The following DNAJC3 variants were observed in gnomAD, a reference collection of about 807,000 sequenced individuals.
The protein encoded by DNAJC3 is DnaJ heat shock protein family (Hsp40) member C3.
DNAJC3 carries 38 observed loss-of-function variants against 68.6 expected under a neutral mutation model. That is an observed-to-expected ratio of 0.55 (90% confidence interval 0.43 to 0.73). The LOEUF (loss-of-function observed/expected upper bound fraction) is 0.73. Ranked by LOEUF, DNAJC3 falls within the 30% of genes least tolerant of loss-of-function variation. The pLI, the probability that DNAJC3 is intolerant of heterozygous loss-of-function variation, is 0.00. For missense variants in DNAJC3, 526 were observed against 591.9 expected (o/e 0.89, Z 1.16); for synonymous variants, 203 against 204.0 (o/e 1.00, Z 0.04).
At chr13:95,734,885 T>A (rs1245500366) in intron 4 of DNAJC3, among the ~76,000 whole-genome samples, 1 of 150,534 alleles carries the variant, frequency 6.6e-6, no homozygotes, top group Non-Finnish European at 1.5e-5. Flanking sequence ...TAGTTACATA[T>A]GTATACATGT....
chr13:95,681,679 A>G (rs1283087323), intron 1 of DNAJC3, among the ~76,000 whole-genome samples: 2 of 152,208 alleles, frequency 1.3e-5, no homozygotes, highest in Non-Finnish European at 2.9e-5. Context: ...TTAAAGAAAC[A>G]ATCTCAGTCG....
intron 4 of DNAJC3, among the ~76,000 whole-genome samples, chr13:95,757,341 G>A (rs1290623631): frequency 1.3e-5 from 2 of 152,130 alleles, no homozygotes; most frequent in East Asian, 1.9e-4. Context: ...AGTGAAAAAC[G>A]TGCTTTCCTT....
chr13:95,780,697 C>T (rs1036184648), intron 9 of DNAJC3, among the ~76,000 whole-genome samples: 4 of 152,134 alleles, frequency 2.6e-5, no homozygotes, highest in African/African-American at 9.7e-5. Flanking sequence ...GTTGGTGTTC[C>T]ATGGGACATG....
At chr13:95,758,853 T>C (rs1328069024) in intron 5 of DNAJC3, among the ~76,000 whole-genome samples, 2 of 152,218 alleles carry the variant, frequency 1.3e-5, no homozygotes, top group African/African-American at 2.4e-5. Flanking sequence ...ATGATGTATG[T>C]AGAATGGGCA....
chr13:95,678,028 C>G (rs1879809843), intron 1 of DNAJC3, among the ~76,000 whole-genome samples: 1 of 152,192 alleles, frequency 6.6e-6, no homozygotes, highest in African/African-American at 2.4e-5. Flanking sequence ...AAAAGGTTCC[C>G]TTAAAAAGAT....
chr13:95,704,954 T>A (rs1291071991), intron 1 of DNAJC3, among the ~76,000 whole-genome samples: 2 of 150,380 alleles, frequency 1.3e-5, no homozygotes, highest in Non-Finnish European at 2.9e-5. Flanking sequence ...TGGGTTCAAG[T>A]GATTCTCATG....
Position 95,725,671 on chromosome 13 carries a change from C to CT in DNAJC3, c.393+428dup, listed in dbSNP as rs550281050. Among the ~76,000 whole-genome samples the CT allele has an allele frequency of 1.5e-3, 226 of 147,134 alleles. 4 individuals are homozygous for CT. The South Asian group carries it at 0.026, about 17-fold the overall frequency. ...TGAAACAGATTCTTTTTTTTTTTCT[C>CT]TTTTTTTTTATTATTATTATACTTT... On this transcript the variant is annotated intron_variant, in intron 4 of 11. Transcript: ENST00000602402.
intron 11 of DNAJC3, among the ~76,000 whole-genome samples, chr13:95,788,673 C>A (rs1470727458): frequency 6.6e-6 from 1 of 152,178 alleles, no homozygotes. Context: ...GACCACTCCA[C>A]TGAATTTTTA....
At chr13:95,707,355 T>A (rs1013653578) in intron 1 of DNAJC3, among the ~76,000 whole-genome samples, 1 of 152,146 alleles carries the variant, frequency 6.6e-6, no homozygotes, top group African/African-American at 2.4e-5. Context: ...CCACCCCACA[T>A]CAAAGTCCTT....
intron 4 of DNAJC3, among the ~76,000 whole-genome samples, chr13:95,750,502 A>G (rs1166139423): frequency 6.6e-6 from 1 of 151,402 alleles, no homozygotes; most frequent in African/African-American, 2.4e-5. Flanking sequence ...AGCAAGTTAT[A>G]TAATTATTCA....
intron 1 of DNAJC3, among the ~76,000 whole-genome samples, chr13:95,698,496 G>T (rs1880506915): frequency 6.6e-6 from 1 of 152,224 alleles, no homozygotes; most frequent in Non-Finnish European, 1.5e-5. Context: ...GGTCTCTGCT[G>T]CATGTTAGGG....
rs537098639 is a variant in DNAJC3 at position 95,726,730 on chromosome 13, T to C, written c.393+1478T>C. On this transcript the variant is annotated intron_variant, in intron 4 of 11. Transcript: ENST00000602402. ...GTTTTAAAGACCAGCATTTTTGTTT[T>C]ACATGGGTTTGCTTCTGGAATGGTC... is the stretch of plus-strand genomic sequence containing the variant. 2.3e-3 allele frequency among the ~76,000 whole-genome samples: 349 copies of C among 152,360 alleles called. 2 individuals are homozygous for C. The highest frequency in any genetic ancestry group is 8.1e-3 in the African/African-American group (337 of 41,576).
chr13:95,719,366 A>G (rs920496008), intron 2 of DNAJC3, among the ~76,000 whole-genome samples: 4 of 152,126 alleles, frequency 2.6e-5, no homozygotes, highest in African/African-American at 7.2e-5. Context: ...TTGGTAACCA[A>G]CTCAACCTTC....
intron 7 of DNAJC3, among the ~76,000 whole-genome samples, chr13:95,761,791 A>G (rs1210768804): frequency 3.3e-5 from 5 of 151,226 alleles, no homozygotes; most frequent in African/African-American, 7.3e-5. Flanking sequence ...TTTTGAGACA[A>G]TCTCACTATG....
At chr13:95,740,033 G>T (rs1301286212) in intron 4 of DNAJC3, among the ~76,000 whole-genome samples, 2 of 152,248 alleles carry the variant, frequency 1.3e-5, no homozygotes, top group South Asian at 2.1e-4. Context: ...TTCTAACAGA[G>T]AGGACCCTTA....
intron 4 of DNAJC3, among the ~76,000 whole-genome samples, chr13:95,739,131 T>C (rs1273478545): frequency 6.6e-6 from 1 of 152,210 alleles, no homozygotes; most frequent in Non-Finnish European, 1.5e-5. Flanking sequence ...TTCTTTTCTT[T>C]AAGAATGTTG....
At chr13:95,770,322 G>A (rs532148646) in intron 9 of DNAJC3, among the ~76,000 whole-genome samples, 160 of 151,838 alleles carry the variant, frequency 1.1e-3, no homozygotes, top group Non-Finnish European at 1.7e-3. Flanking sequence ...GTATATGAAC[G>A]AAGGCCTATA....
At chr13:95,748,303 C>T (rs1258126510) in intron 4 of DNAJC3, among the ~76,000 whole-genome samples, 1 of 152,070 alleles carries the variant, frequency 6.6e-6, no homozygotes, top group Admixed American at 6.6e-5. Context: ...ATAATGGTGC[C>T]AATTGCAATT....
intron 2 of DNAJC3, among the ~76,000 whole-genome samples, chr13:95,712,374 C>CTTTTTTTT (rs71113952): frequency 3.0e-5 from 4 of 135,224 alleles, no homozygotes; most frequent in Non-Finnish European, 3.1e-5. Flanking sequence ...ATGCTTTTTT[C>CTTTTTTTT]TTTTTTTTTT....
Sources: gnomAD v4.1 joint callset for allele counts (sites outside exome capture counted in the v4.1 genomes callset) on GRCh38, gnomAD v4.1.1 for gene constraint, MANE v1.5 for transcripts, NCBI Gene and HGNC (gene_info 2026-07-23, HGNC 2026-07-21) for gene names.